CPS1: variants seen among roughly 807,000 people sequenced by gnomAD.
The protein encoded by CPS1 is carbamoyl-phosphate synthase [ammonia], mitochondrial.
CPS1 carries 109 observed loss-of-function variants against 174.6 expected under a neutral mutation model. That is an observed-to-expected ratio of 0.62 (90% confidence interval 0.53 to 0.73). The LOEUF is 0.73. Ranked by LOEUF, CPS1 falls within the 30% of genes least tolerant of loss-of-function variation. The pLI is 0.00. For missense variants in CPS1, 1,689 were observed against 1,821.9 expected, an observed-to-expected ratio of 0.93 and a Z score of 1.33; for synonymous variants, 637 against 632.0, an observed-to-expected ratio of 1.01 and a Z score of -0.12.
At chr2:210,544,118 G>C (rs1197417459) in intron 1 of CPS1, among the ~76,000 whole-genome samples, 1 of 152,080 alleles carries the variant, frequency 6.6e-6, no homozygotes, top group East Asian at 1.9e-4. Flanking sequence ...CTTGGCTGAG[G>C]ATAGAATGAG....
chr2:210,613,748 A>G (rs1699209500), intron 20 of CPS1, among the ~76,000 whole-genome samples: 1 of 151,984 alleles, frequency 6.6e-6, no homozygotes, highest in Admixed American at 6.6e-5. Context: ...TAACAGACTT[A>G]TAAAAGATGA....
intron 5 of CPS1, among the ~76,000 whole-genome samples, chr2:210,582,210 T>G (rs1697946808): frequency 6.6e-6 from 1 of 152,216 alleles, no homozygotes; most frequent in South Asian, 2.1e-4. Context: ...CCCGCTTTTT[T>G]TGTGATTTTT....
chr2:210,674,506 G>T (rs1180760215), intron 34 of CPS1: 1 of 158,734 alleles, frequency 6.3e-6, no homozygotes, highest in African/African-American at 2.5e-5. Flanking sequence ...AAAGAAATAA[G>T]AGCAGGTTGA....
chr2:210,519,943 T>G (rs1695778205), intron 1 of CPS1, among the ~76,000 whole-genome samples: 1 of 152,036 alleles, frequency 6.6e-6, no homozygotes, highest in Non-Finnish European at 1.5e-5. Flanking sequence ...TCAGCCTGTC[T>G]CTGTCATGTT....
intron 21 of CPS1, among the ~76,000 whole-genome samples, chr2:210,628,743 TGA>T (rs1245022709): frequency 6.6e-6 from 1 of 151,616 alleles, no homozygotes; most frequent in Non-Finnish European, 1.5e-5. Context: ...GAGGTTGCAG[TGA>T]GCCAAGATCA....
intron 21 of CPS1, among the ~76,000 whole-genome samples, chr2:210,631,678 A>G (rs1047938414): frequency 1.3e-5 from 2 of 152,196 alleles, no homozygotes; most frequent in African/African-American, 4.8e-5. Flanking sequence ...GTTTTATTGT[A>G]TAGATTCTAT....
At chr2:210,592,332 T>G (rs1698335105) in intron 10 of CPS1, among the ~76,000 whole-genome samples, 1 of 152,050 alleles carries the variant, frequency 6.6e-6, no homozygotes, top group South Asian at 2.1e-4. Context: ...TAGCCCTCTG[T>G]GTTTTAAAAC....
chr2:210,566,851 A>G (rs1559080097), intron 1 of CPS1, among the ~76,000 whole-genome samples: 1 of 152,120 alleles, frequency 6.6e-6, no homozygotes, highest in Non-Finnish European at 1.5e-5. Flanking sequence ...AGGATGTCAT[A>G]GGGAATTGAT....
intron 1 of CPS1, among the ~76,000 whole-genome samples, chr2:210,485,752 T>G (rs1374496236): frequency 6.6e-6 from 1 of 152,168 alleles, no homozygotes; most frequent in African/African-American, 2.4e-5. Flanking sequence ...GTTCATACTT[T>G]GTATGGATAC....
At position 210,506,666 on chromosome 2, in the gene CPS1, G is replaced by A. The variant is rs961054694; in HGVS notation, c.3+28900G>A. Among the ~76,000 whole-genome samples, 97 of 152,152 alleles carry A rather than the reference G, an allele frequency of 6.4e-4. 1 individual carries two copies. The highest frequency in any genetic ancestry group is 1.5e-4 in the Non-Finnish European group (10 of 68,028). On this transcript the variant is annotated intron_variant, in intron 1 of 38. Coordinates refer to the CPS1 transcript ENST00000430249. ...CAAATGGCTAACTAGAATAACCAAT[G>A]CAAAGAAGTCCTTAAAGGACCTGAT...
intron 1 of CPS1, among the ~76,000 whole-genome samples, chr2:210,510,696 C>G (rs1305290679): frequency 6.6e-6 from 1 of 152,114 alleles, no homozygotes; most frequent in Admixed American, 6.6e-5. Flanking sequence ...AAGAAAAAAA[C>G]AACCCCATCA....
At chr2:210,510,427 A>G (rs1695430773) in intron 1 of CPS1, among the ~76,000 whole-genome samples, 1 of 152,212 alleles carries the variant, frequency 6.6e-6, no homozygotes, top group African/African-American at 2.4e-5. Flanking sequence ...TAAAAACCCT[A>G]GAAGAAAACC....
rs763437104 is a variant in CPS1 at position 210,592,961 on chromosome 2, G to A, written c.1164+5G>A. The stretch of plus-strand genomic sequence containing the variant: ...CCGGGGCCAATAGACACTGAGGTAC[G>A]TCAAAAAGATGAGGCCTATTATGTA... On this transcript the variant is annotated splice_donor_5th_base_variant and intron_variant, in intron 11 of 37. Transcript: ENST00000233072. 13 of 1,610,158 alleles carry A rather than the reference G, an allele frequency of 8.1e-6. No homozygotes were observed. The highest frequency in any genetic ancestry group is 3.3e-5 in the South Asian group (3 of 91,004).
Position 210,486,115 on chromosome 2 carries a change from T to TACACACACAC in CPS1, c.3+8384_3+8393dup, listed in dbSNP as rs60740361. ...ATACATATATATATACACACACACA[T>TACACACACAC]ACACACACACACACACACACACACA... On this transcript the variant is annotated intron_variant, in intron 1 of 38. Coordinates refer to the CPS1 transcript ENST00000430249. Among the ~76,000 whole-genome samples the TACACACACAC allele has an allele frequency of 1.6e-3, 219 of 135,672 alleles. 3 individuals are homozygous for TACACACACAC. Among genetic ancestry groups the TACACACACAC allele is most frequent in the Admixed American group, 0.012 (164 of 13,634 alleles). 89.0% of individuals were successfully genotyped at this position (135,672 alleles called of 152,430 possible).
chr2:210,478,292 A>G (rs575650717), intron 1 of CPS1, among the ~76,000 whole-genome samples: 46 of 152,348 alleles, frequency 3.0e-4, no homozygotes, highest in African/African-American at 9.6e-4. Context: ...ACTTGGTATT[A>G]TCTAGTGTTC....
chr2:210,589,283 T>C (rs1250467309), intron 7 of CPS1, among the ~76,000 whole-genome samples: 3 of 152,064 alleles, frequency 2.0e-5, no homozygotes, highest in Admixed American at 6.6e-5. Flanking sequence ...CAAATAAGCT[T>C]TTGTTCTCTT....
intron 1 of CPS1, among the ~76,000 whole-genome samples, chr2:210,497,017 A>G (rs1194496217): frequency 6.6e-6 from 1 of 152,144 alleles, no homozygotes; most frequent in Non-Finnish European, 1.5e-5. Context: ...AACTGATTAT[A>G]TCTTTCCTTC....
In CPS1 at chr2:210,512,863, G is replaced by GAT. The variant is rs201588736; in HGVS notation, c.3+35109_3+35110dup. On this transcript the variant is annotated intron_variant, in intron 1 of 38. Transcript: ENST00000430249. The stretch of plus-strand genomic sequence containing the variant: ...ACATATATGGAGATATATATATATA[G>GAT]ATATATATATATAGAGATATATATA... Among the ~76,000 whole-genome samples the GAT allele has an allele frequency of 2.0e-4, 7 of 35,632 alleles. 1 individual carries two copies. The highest frequency in any genetic ancestry group is 1.4e-3 in the East Asian group (2 of 1,408). 23.4% of individuals were successfully genotyped at this position (35,632 alleles called of 152,430 possible).
intron 1 of CPS1, among the ~76,000 whole-genome samples, chr2:210,505,756 C>T (rs1032756329): frequency 2.0e-5 from 3 of 152,172 alleles, no homozygotes; most frequent in Admixed American, 6.5e-5. Context: ...ACACCTGGCA[C>T]GAAGGGTCCT....
Sources: allele counts gnomAD v4.1 joint callset (sites outside exome capture counted in the v4.1 genomes callset), GRCh38; gene constraint gnomAD v4.1.1; transcripts MANE v1.5; gene names NCBI Gene and HGNC (gene_info 2026-07-23, HGNC 2026-07-21).